The following VPS50 variants were observed in gnomAD, a reference collection of about 807,000 sequenced individuals.
VPS50 encodes the protein VPS50 subunit of EARP/GARPII complex, also known as syndetin.
In VPS50, 70 loss-of-function variants were observed where a neutral mutation model predicts 139.7. The ratio of observed to expected loss-of-function variants is 0.50; its 90% CI spans 0.41 to 0.61. The LOEUF (loss-of-function observed/expected upper bound fraction) is 0.61, where lower values mean the gene tolerates loss of function less well. Among genes scored for constraint, VPS50 ranks in the 20% least tolerant of loss-of-function variants. The probability of loss-of-function intolerance (pLI) is 0.00; values close to 1 mark genes in which losing one functional copy is unlikely to be tolerated. For synonymous variants in VPS50, 365 were observed against 376.7 expected (o/e 0.97, Z 0.36); for missense variants, 921 against 1,133.7 (o/e 0.81, Z 2.69).
intron 21 of VPS50, among the ~76,000 whole-genome samples, chr7:93,329,526 GA>G (rs1392884338): frequency 6.6e-6 from 1 of 151,612 alleles, no homozygotes; most frequent in Admixed American, 6.6e-5. Context: ...GAATGGGTCA[GA>G]AAAAATATTT....
chr7:93,270,713 C>T (rs747203969), intron 9 of VPS50, among the ~76,000 whole-genome samples: 1 of 151,842 alleles, frequency 6.6e-6, no homozygotes, highest in South Asian at 2.1e-4. Context: ...GTTTGCTCAA[C>T]GTCCTTGCCA....
At chr7:93,307,832 G>A (rs1401750811) in intron 18 of VPS50, among the ~76,000 whole-genome samples, 1 of 151,828 alleles carries the variant, frequency 6.6e-6, no homozygotes, top group Non-Finnish European at 1.5e-5. Context: ...TTATGTCCTT[G>A]AGAATCAGGG....
chr7:93,305,766 C>T (rs993494844), intron 17 of VPS50, 62 bp from the exon 18 acceptor site: 46 of 1,179,468 alleles, frequency 3.9e-5, no homozygotes, highest in South Asian at 3.0e-4. Context: ...TTGAGGGATT[C>T]GGTTTATGTA....
intron 21 of VPS50, among the ~76,000 whole-genome samples, chr7:93,326,450 T>C (rs916500211): frequency 5.7e-5 from 6 of 105,856 alleles, no homozygotes; most frequent in Non-Finnish European, 1.1e-4. Flanking sequence ...AGTATAATAA[T>C]AATAAAAAAA....
Position 93,355,961 on chromosome 7 carries a change from A to G in VPS50, c.2656A>G (p.Met886Val). The G allele has an allele frequency of 1.2e-6, 2 of 1,604,194 alleles. No homozygotes were observed. The highest frequency in any genetic ancestry group is 1.7e-4 in the Middle Eastern group (1 of 6,010). Residue 886 changes from methionine (M) to valine (V), a missense_variant, in exon 27 of 28, where the codon ATG becomes GTG. By Grantham distance (21) the Met-to-Val change is conservative (BLOSUM62 1). Coordinates refer to ENST00000305866, the MANE Select transcript of VPS50 (RefSeq NM_017667.4). ...LMQLDFQQFL[M>V]KLEKLTDIRP... ...GCAATTGGATTTTCAACAGTTTTTA[A>G]TGAAACTTGAAAAACTAACAGATAT...
intron 1 of VPS50, among the ~76,000 whole-genome samples, chr7:93,236,397 CAG>C: frequency 6.6e-6 from 1 of 152,180 alleles, no homozygotes; most frequent in East Asian, 1.9e-4. Context: ...CAAATCATCA[CAG>C]ATGCTTCTTT....
At chr7:93,241,517 A>G (rs978961589) in intron 2 of VPS50, among the ~76,000 whole-genome samples, 28 of 152,142 alleles carry the variant, frequency 1.8e-4, no homozygotes, top group African/African-American at 6.5e-4. Context: ...CTTACATTTA[A>G]CCTTACACTA....
intron 20 of VPS50, chr7:93,320,897 T>C (rs980288996): frequency 6.6e-6 from 1 of 152,402 alleles, no homozygotes; most frequent in Non-Finnish European, 1.5e-5. Flanking sequence ...GTGAATAGCT[T>C]CCACCTCCTT....
At chr7:93,300,931 C>T (rs1399222077) in intron 16 of VPS50, among the ~76,000 whole-genome samples, 1 of 151,852 alleles carries the variant, frequency 6.6e-6, no homozygotes, top group African/African-American at 2.4e-5. Context: ...AATAATTATG[C>T]CAACAAATAC....
intron 12 of VPS50, among the ~76,000 whole-genome samples, chr7:93,280,099 A>G (rs1267918929): frequency 2.0e-5 from 3 of 152,092 alleles, no homozygotes; most frequent in South Asian, 2.1e-4. Context: ...TCCCTTCCCA[A>G]TCAATTTTCT....
Position 93,259,566 on chromosome 7 carries a change from G to C in VPS50, c.593G>C (p.Gly198Ala). The C allele has an allele frequency of 3.8e-6, 6 of 1,583,034 alleles. No homozygotes were observed. Among genetic ancestry groups the C allele is most frequent in the Non-Finnish European group, 5.2e-6 (6 of 1,152,562 alleles). ...TACCTTAAGGAGGAAGATTATCCAG[G>C]AGCTATTCAGTTGTGCCTTGAATGT... Reference protein sequence around the residue: ...SEMLEEEDYPGAIQLCLECQK... With the variant: ...SEMLEEEDYPAAIQLCLECQK... Residue 198 changes from glycine (G) to alanine (A), a missense_variant, in exon 9 of 28, where the codon GGA becomes GCA. Physicochemically the swap from Gly to Ala is moderately conservative, Grantham distance 60. Around this residue, in one of 3 missense-constraint regions of VPS50, gnomAD observed 744 missense variants for 930.6 expected, o/e 0.80. Coordinates refer to ENST00000305866, the MANE Select transcript of VPS50 (RefSeq NM_017667.4).
intron 2 of VPS50, among the ~76,000 whole-genome samples, chr7:93,246,417 G>A (rs1795156476): frequency 6.6e-6 from 1 of 151,794 alleles, no homozygotes; most frequent in African/African-American, 2.4e-5. Context: ...AGAAAGAGGA[G>A]TTGGTGTGCA....
At chr7:93,298,470 C>G (rs1211712567) in intron 16 of VPS50, among the ~76,000 whole-genome samples, 1 of 152,158 alleles carries the variant, frequency 6.6e-6, no homozygotes, top group African/African-American at 2.4e-5. Flanking sequence ...CTCACTTTCC[C>G]TGCAGTATGA....
intron 21 of VPS50, among the ~76,000 whole-genome samples, chr7:93,330,454 C>A (rs1285540894): frequency 6.6e-6 from 1 of 151,962 alleles, no homozygotes; most frequent in Non-Finnish European, 1.5e-5. Flanking sequence ...AAAAGACATA[C>A]TTTAAATATA....
At chr7:93,255,189 T>A (rs1795451262) in intron 4 of VPS50, among the ~76,000 whole-genome samples, 1 of 152,202 alleles carries the variant, frequency 6.6e-6, no homozygotes. Flanking sequence ...AATGAAATAA[T>A]TATACAACTC....
In VPS50 at chr7:93,323,646, A is replaced by G. The variant is rs199629360; in HGVS notation, c.1891A>G (p.Ile631Val). ...GCAGATGATGAACATTCTTAAGCCA[A>G]TTGCCTTTGATGTTATTCATTTCAT... ...YMQMMNILKP[I>V]AFDVIHFMSQ... is the part of the protein sequence containing the mutation. The change falls in exon 21 of 28, where the codon ATT becomes GTT. Residue 631 changes from isoleucine (I) to valine (V), a missense_variant. Physicochemically the swap from Ile to Val is conservative, Grantham distance 29 (BLOSUM62 3). Around this residue, in one of 3 missense-constraint regions of VPS50, gnomAD observed 744 missense variants for 930.6 expected, o/e 0.80. Coordinates refer to ENST00000305866, the MANE Select transcript of VPS50 (RefSeq NM_017667.4). The G allele has an allele frequency of 4.4e-6, 6 of 1,353,048 alleles. No homozygotes were observed. Among genetic ancestry groups the G allele is most frequent in the Non-Finnish European group, 6.0e-6 (6 of 1,006,412 alleles). The allele number at this position is 1,353,048 out of a possible 1,614,324, so 83.8% of individuals were successfully genotyped here.
chr7:93,324,149 G>A (rs929941888), intron 21 of VPS50, among the ~76,000 whole-genome samples: 1 of 152,170 alleles, frequency 6.6e-6, no homozygotes, highest in African/African-American at 2.4e-5. Context: ...TTTGTACATT[G>A]ATTTTGTATC....
intron 2 of VPS50, among the ~76,000 whole-genome samples, chr7:93,250,077 T>C (rs1795275961): frequency 6.6e-6 from 1 of 152,064 alleles, no homozygotes; most frequent in African/African-American, 2.4e-5. Flanking sequence ...TCATTGACCT[T>C]TTTTTCTCGG....
At chr7:93,265,587 CAG>C (rs1375029007) in intron 9 of VPS50, among the ~76,000 whole-genome samples, 1 of 151,928 alleles carries the variant, frequency 6.6e-6, no homozygotes, top group African/African-American at 2.4e-5. Flanking sequence ...TTTTTGGAGA[CAG>C]AGTCTCACTG....
Sources: gnomAD v4.1 joint callset for allele counts (sites outside exome capture counted in the v4.1 genomes callset) on GRCh38, gnomAD v4.1.1 for gene constraint, gnomAD v4.1.1 regional missense constraint, MANE v1.5 for transcripts, NCBI Gene and HGNC (gene_info 2026-07-23, HGNC 2026-07-21) for gene names.